Variants in MYO10 observed in about 807,000 individuals in gnomAD.
The protein encoded by MYO10 is myosin X, also known as unconventional myosin-X.
In MYO10, 133 loss-of-function variants were observed where a neutral mutation model predicts 257.3. The ratio of observed to expected loss-of-function variants is 0.52; its 90% confidence interval spans 0.45 to 0.60. MYO10 has a LOEUF of 0.60. Among genes scored for constraint, MYO10 ranks in the 20% least tolerant of loss-of-function variants. MYO10 has a pLI of 0.00. For missense variants in MYO10, 2,399 were observed against 2,635.7 expected (o/e 0.91, Z 1.97); for synonymous variants, 1,104 against 1,028.6 (o/e 1.07, Z -1.40).
At chr5:16,870,824 G>T (rs545463374) in intron 2 of MYO10, among the ~76,000 whole-genome samples, 42 of 152,054 alleles carry the variant, frequency 2.8e-4, no homozygotes, top group Admixed American at 5.9e-4. Context: ...CCCAGGAGGC[G>T]GAGGCTGCAG....
At chr5:16,699,660 A>G (rs776514712) in intron 25 of MYO10, 87 bp from the exon 26 acceptor site, 3 of 1,557,750 alleles carry the variant, frequency 1.9e-6, no homozygotes, top group South Asian at 1.1e-5. Context: ...CATTGAAAAA[A>G]TACAAAAATA....
chr5:16,847,508 G>A (rs1490943102), intron 2 of MYO10, among the ~76,000 whole-genome samples: 1 of 152,056 alleles, frequency 6.6e-6, no homozygotes, highest in East Asian at 1.9e-4. Context: ...TGAGGCGAGA[G>A]GATCGCTAGG....
chr5:16,898,006 C>T (rs73064950), intron 1 of MYO10, among the ~76,000 whole-genome samples: 2,009 of 152,254 alleles, frequency 0.013, 44 homozygotes, highest in African/African-American at 0.043. Flanking sequence ...TGCAGGCCTG[C>T]GTGCCCTCTT....
chr5:16,927,512 G>A (rs535292242), intron 1 of MYO10, among the ~76,000 whole-genome samples: 7 of 152,204 alleles, frequency 4.6e-5, no homozygotes, highest in African/African-American at 1.4e-4. Flanking sequence ...TTTTAGTAGA[G>A]ACGGGGTTTC....
At chr5:16,911,909 G>A (rs996461549) in intron 1 of MYO10, among the ~76,000 whole-genome samples, 2 of 151,636 alleles carry the variant, frequency 1.3e-5, no homozygotes. Context: ...GTGGTGGTGG[G>A]CACCTGTAAT....
chr5:16,920,114 A>T (rs2126799912), intron 1 of MYO10, among the ~76,000 whole-genome samples: 1 of 152,174 alleles, frequency 6.6e-6, no homozygotes, highest in African/African-American at 2.4e-5. Context: ...AGTCTCAAAA[A>T]AGAAAAAAAA....
rs748398785 is a variant in MYO10, at chr5:16,701,066, G to A, written c.3329C>T (p.Ser1110Phe). The A allele has an allele frequency of 2.9e-5, 45 of 1,573,112 alleles. No homozygotes were observed. Among genetic ancestry groups the A allele is most frequent in the Non-Finnish European group, 3.8e-5 (44 of 1,159,982 alleles). ...GGACCACTGGCTGCCGTAGGAGTTG[G>A]AGAAGGTCACGCTGCTGCCGGAAGT... ...AITSGSSVTFSNSYGSQWSPD... is the reference protein window; with the variant it reads ...AITSGSSVTFFNSYGSQWSPD... Residue 1110 changes from serine (S) to phenylalanine (F), a missense_variant, in exon 25 of 41, where the codon TCC becomes TTC. By Grantham distance (155) the Ser-to-Phe change is radical. Coordinates refer to ENST00000513610, the MANE Select transcript of MYO10 (RefSeq NM_012334.3). This position sits in a 1 kb window ranked among gnomAD's most constrained non-coding sequence, Gnocchi z 8.1.
At chr5:16,788,476 C>T (rs947574935) in intron 4 of MYO10, among the ~76,000 whole-genome samples, 3 of 152,062 alleles carry the variant, frequency 2.0e-5, no homozygotes, top group Non-Finnish European at 2.9e-5. Flanking sequence ...AGGCTTGGGA[C>T]AGGGTAGGAT....
At chr5:16,847,560 T>C (rs1164485647) in intron 2 of MYO10, among the ~76,000 whole-genome samples, 2 of 152,080 alleles carry the variant, frequency 1.3e-5, no homozygotes, top group Admixed American at 6.6e-5. Context: ...TGGCAAAACC[T>C]ATTTACAAAA....
At chr5:16,799,082 G>C (rs1742046613) in intron 3 of MYO10, among the ~76,000 whole-genome samples, 1 of 152,004 alleles carries the variant, frequency 6.6e-6, no homozygotes, top group Non-Finnish European at 1.5e-5. Context: ...CTTTCTTAAG[G>C]CACTGATTTA....
intron 19 of MYO10, among the ~76,000 whole-genome samples, chr5:16,726,219 C>A (rs900025720): frequency 6.6e-6 from 1 of 152,128 alleles, no homozygotes; most frequent in Non-Finnish European, 1.5e-5. Flanking sequence ...CATCTGTGGA[C>A]GATCATCAAG....
chr5:16,790,682 G>A (rs769107640), intron 4 of MYO10, among the ~76,000 whole-genome samples: 2 of 152,140 alleles, frequency 1.3e-5, no homozygotes, highest in Non-Finnish European at 2.9e-5. Flanking sequence ...ACGTGGACCT[G>A]TAACTCCAAT....
chr5:16,741,169 G>A (rs973681794), intron 19 of MYO10, among the ~76,000 whole-genome samples: 1 of 152,122 alleles, frequency 6.6e-6, no homozygotes, highest in East Asian at 1.9e-4. Context: ...TTTCTTTGGG[G>A]ACCTCTACTT....
At position 16,779,569 on chromosome 5, in the gene MYO10, G is replaced by C. The variant is rs1006634181; in HGVS notation, c.906C>G (p.Asp302Glu). Residue 302 changes from aspartate to glutamate, a missense_variant, in exon 9 of 41, where the codon GAC (aspartate) becomes GAG (glutamate). Physicochemically the swap from Asp to Glu is conservative, Grantham distance 45. This residue lies in a region of MYO10 where 337 missense variants were observed against 446.8 expected (regional missense o/e 0.75). Coordinates refer to ENST00000513610, the MANE Select transcript of MYO10 (RefSeq NM_012334.3). ...CAATAACTTCCCTAAAGGATTCCTG[G>C]TCACTGATTGTCTTGTCTTCTACAC... ...SGCVEDKTIS[D>E]QESFREVITA... 1.9e-6 allele frequency: 3 copies of C among 1,584,248 alleles called. No homozygotes were observed. Among genetic ancestry groups the C allele is most frequent in the African/African-American group, 2.7e-5 (2 of 73,154 alleles).
rs571166195 is a variant in MYO10, at chr5:16,873,512, C to A, written c.120+4097G>T. On this transcript the variant is annotated intron_variant, in intron 2 of 40. Transcript: ENST00000513610. ...GAGGACAGTGGCCCTCTTCTCACAG[C>A]TCCACTAGGCGGTACCCCAGTAGCG... is the stretch of plus-strand genomic sequence containing the variant. Among the ~76,000 whole-genome samples the A allele has an allele frequency of 7.2e-5, 11 of 152,334 alleles. No individual in the cohort carries two copies. The South Asian group carries it at 2.1e-3, about 29-fold the overall frequency.
intron 2 of MYO10, among the ~76,000 whole-genome samples, chr5:16,866,662 C>T (rs1744260147): frequency 6.6e-6 from 1 of 151,730 alleles, no homozygotes; most frequent in African/African-American, 2.4e-5. Context: ...GATGTCTCCA[C>T]TTTATGATGA....
At chr5:16,732,364 T>C (rs1385919583) in intron 19 of MYO10, among the ~76,000 whole-genome samples, 1 of 152,138 alleles carries the variant, frequency 6.6e-6, no homozygotes, top group Non-Finnish European at 1.5e-5. Context: ...CCTCACAGGG[T>C]AGCCTCCCCC....
At chr5:16,829,198 T>C (rs1167294455) in intron 2 of MYO10, among the ~76,000 whole-genome samples, 1 of 152,126 alleles carries the variant, frequency 6.6e-6, no homozygotes, top group Admixed American at 6.5e-5. Flanking sequence ...TGGTTGAGCG[T>C]GGCTGCAGCA....
At chr5:16,900,098 C>T (rs1745335670) in intron 1 of MYO10, among the ~76,000 whole-genome samples, 1 of 146,328 alleles carries the variant, frequency 6.8e-6, no homozygotes, top group Non-Finnish European at 1.5e-5. Context: ...GGAGGAAAAA[C>T]ACATCTGTTT....
Sources: allele counts gnomAD v4.1 joint callset (sites outside exome capture counted in the v4.1 genomes callset), GRCh38; gene constraint gnomAD v4.1.1; regional missense constraint gnomAD v4.1.1; non-coding constraint Gnocchi (gnomAD v3.1); transcripts MANE v1.5; gene names NCBI Gene and HGNC (gene_info 2026-07-23, HGNC 2026-07-21).